The following SLC9C1 variants were observed in gnomAD, a reference collection of about 807,000 sequenced individuals.
SLC9C1 encodes solute carrier family 9 member C1, also known as sodium/hydrogen exchanger 10.
SLC9C1 carries 97 observed loss-of-function variants against 140.9 expected under a neutral mutation model. The ratio of observed to expected loss-of-function variants is 0.69; its 90% CI spans 0.58 to 0.82. The LOEUF is 0.82. Among genes scored for constraint, SLC9C1 ranks in the 40% least tolerant of loss-of-function variants. The pLI is 0.00. For synonymous variants in SLC9C1, 440 were observed against 442.6 expected (o/e 0.99, Z 0.07); for missense variants, 1,340 against 1,389.3 (o/e 0.96, Z 0.56).
chr3:112,179,443 T>C lies in SLC9C1; in HGVS notation c.2919+88A>G. On this transcript the variant is annotated intron_variant, in intron 23 of 28. Transcript: ENST00000305815. Reference sequence around the variant, plus strand: ...TTTAAAAGTAAATTGTCAACTAGACTGTAAACTTATACTAAATACTAAAAT... The same window carrying C: ...TTTAAAAGTAAATTGTCAACTAGACCGTAAACTTATACTAAATACTAAAAT... 3.5e-6 allele frequency: 5 copies of C among 1,409,192 alleles called. No homozygotes were observed. In the African/African-American group the frequency reaches 6.0e-5, roughly 17 times the overall value. The allele number at this position is 1,409,192 out of a possible 1,614,324, so 87.3% of individuals were successfully genotyped here.
chr3:112,192,046 C>T (rs1351234797), intron 20 of SLC9C1, among the ~76,000 whole-genome samples: 1 of 143,274 alleles, frequency 7.0e-6, no homozygotes, highest in South Asian at 2.4e-4. Flanking sequence ...GCAAACATCC[C>T]TCTCACTGTT....
intron 12 of SLC9C1, among the ~76,000 whole-genome samples, chr3:112,233,050 C>CACACATATATAT (rs1326383624): frequency 9.2e-5 from 8 of 86,628 alleles, no homozygotes; most frequent in African/African-American, 3.1e-4. Flanking sequence ...CACACACACA[C>CACACATATATAT]ATATATATAT....
chr3:112,253,982 G>A (rs1439617281), intron 10 of SLC9C1, among the ~76,000 whole-genome samples: 1 of 152,062 alleles, frequency 6.6e-6, no homozygotes, highest in African/African-American at 2.4e-5. Flanking sequence ...CCAAGATGAG[G>A]AAAGAATCTT....
intron 26 of SLC9C1, among the ~76,000 whole-genome samples, chr3:112,164,198 C>T (rs2107899168): frequency 6.6e-6 from 1 of 151,758 alleles, no homozygotes; most frequent in Non-Finnish European, 1.5e-5. Context: ...CTGAATACAG[C>T]ACACTGATGG....
At chr3:112,195,371 A>G (rs2077747988) in intron 20 of SLC9C1, among the ~76,000 whole-genome samples, 1 of 152,148 alleles carries the variant, frequency 6.6e-6, no homozygotes, top group African/African-American at 2.4e-5. Flanking sequence ...GAAAAAGCAC[A>G]TAGTTGGATC....
intron 20 of SLC9C1, among the ~76,000 whole-genome samples, chr3:112,188,693 C>T (rs1032614470): frequency 6.6e-6 from 1 of 152,166 alleles, no homozygotes; most frequent in Non-Finnish European, 1.5e-5. Flanking sequence ...TTGCAATGAA[C>T]ATACGTGTGC....
chr3:112,242,412 A>ACCAGGCACAG (rs1380429760), intron 11 of SLC9C1, among the ~76,000 whole-genome samples: 1 of 152,204 alleles, frequency 6.6e-6, no homozygotes. Flanking sequence ...ATGTTAAGTG[A>ACCAGGCACAG]AATAAGCCAG....
chr3:112,181,634 G>T (rs2077440740), intron 21 of SLC9C1, among the ~76,000 whole-genome samples: 1 of 152,056 alleles, frequency 6.6e-6, no homozygotes, highest in Non-Finnish European at 1.5e-5. Context: ...TATAATAAAG[G>T]TACATATTGG....
At chr3:112,261,640 CAAG>C (rs766115282) in intron 10 of SLC9C1, among the ~76,000 whole-genome samples, 3 of 151,998 alleles carry the variant, frequency 2.0e-5, no homozygotes, top group Non-Finnish European at 2.9e-5. Context: ...ACTTTCTTCT[CAAG>C]GAGTTACTTC....
At chr3:112,223,879 G>C (rs1448424755) in intron 13 of SLC9C1, among the ~76,000 whole-genome samples, 1 of 152,162 alleles carries the variant, frequency 6.6e-6, no homozygotes, top group Admixed American at 6.5e-5. Flanking sequence ...AGGTTTACTA[G>C]ATTTGCCTAC....
intron 13 of SLC9C1, among the ~76,000 whole-genome samples, chr3:112,224,379 G>C (rs1388226275): frequency 7.1e-6 from 1 of 139,938 alleles, no homozygotes; most frequent in Admixed American, 7.8e-5. Context: ...AAGATCTGAA[G>C]ATATCAATGC....
At chr3:112,168,271 CCT>C (rs2077176470) in intron 25 of SLC9C1, among the ~76,000 whole-genome samples, 1 of 150,580 alleles carries the variant, frequency 6.6e-6, no homozygotes, top group Non-Finnish European at 1.5e-5. Context: ...TTTTATGTGC[CCT>C]GATTCCTATT....
intron 6 of SLC9C1, among the ~76,000 whole-genome samples, chr3:112,271,393 G>GTATATATATATGTATATATATATATA (rs2080070512): frequency 8.0e-6 from 1 of 125,574 alleles, no homozygotes; most frequent in East Asian, 2.6e-4. Flanking sequence ...ATTCTACATT[G>GTATATATATATGTATATATATATATA]TATATATATA....
At chr3:112,184,942 T>G (rs1029980205) in intron 20 of SLC9C1, among the ~76,000 whole-genome samples, 2 of 152,072 alleles carry the variant, frequency 1.3e-5, no homozygotes, top group African/African-American at 4.8e-5. Context: ...CCACTTGGTG[T>G]GTGCATCACA....
At chr3:112,290,464 C>A (rs2080646594) in intron 1 of SLC9C1, among the ~76,000 whole-genome samples, 1 of 151,822 alleles carries the variant, frequency 6.6e-6, no homozygotes, top group Non-Finnish European at 1.5e-5. Flanking sequence ...GACAAGTGTT[C>A]TTTGTTTGAC....
chr3:112,249,476 T>G (rs1399270327), intron 10 of SLC9C1, among the ~76,000 whole-genome samples: 3 of 151,996 alleles, frequency 2.0e-5, no homozygotes, highest in Non-Finnish European at 4.4e-5. Flanking sequence ...GGCCTCATAG[T>G]GTAAGTTAGA....
At chr3:112,274,225 G>A (rs1479057072) in intron 6 of SLC9C1, among the ~76,000 whole-genome samples, 1 of 151,936 alleles carries the variant, frequency 6.6e-6, no homozygotes, top group Non-Finnish European at 1.5e-5. Flanking sequence ...ATGCTTCTAG[G>A]GATGGTGGTA....
At chr3:112,207,470 G>T (rs1285344910) in intron 16 of SLC9C1, among the ~76,000 whole-genome samples, 2 of 152,090 alleles carry the variant, frequency 1.3e-5, no homozygotes, top group African/African-American at 4.8e-5. Context: ...GAGACAGCAT[G>T]GCCTGCCCTT....
intron 6 of SLC9C1, among the ~76,000 whole-genome samples, chr3:112,273,310 G>T (rs1030785584): frequency 6.6e-6 from 1 of 152,028 alleles, no homozygotes; most frequent in Non-Finnish European, 1.5e-5. Context: ...TAGAGGTTGT[G>T]TTTATGGTTA....
Sources: allele counts gnomAD v4.1 joint callset (sites outside exome capture counted in the v4.1 genomes callset), GRCh38; gene constraint gnomAD v4.1.1; transcripts MANE v1.5; gene names NCBI Gene and HGNC (gene_info 2026-07-23, HGNC 2026-07-21).